Variants in CELSR2 observed in about 807,000 individuals in gnomAD.
CELSR2 encodes EGF-like protein 2.
In CELSR2, 81 loss-of-function variants were observed where a neutral mutation model predicts 251.6. That is an observed-to-expected ratio of 0.32 (90% CI 0.27 to 0.39). CELSR2 has a LOEUF of 0.39. Among genes scored for constraint, CELSR2 ranks in the 10% least tolerant of loss-of-function variants. CELSR2 has a pLI of 1.00. For synonymous variants in CELSR2, 1,721 were observed against 1,670.5 expected (o/e 1.03, Z -0.74); for missense variants, 3,365 against 3,947.7 (o/e 0.85, Z 3.96).
intron 2 of CELSR2, among the ~76,000 whole-genome samples, chr1:109,260,205 G>A (rs1570782246): frequency 2.0e-5 from 3 of 151,148 alleles, no homozygotes; most frequent in African/African-American, 7.3e-5. Context: ...TAGAGCAGGC[G>A]AACAACAGTT....
chr1:109,251,455 T>C lies in CELSR2; in HGVS notation c.1376T>C (p.Val459Ala), dbSNP rs370246986. The change falls in exon 1 of 34, where the codon GTG (valine) becomes GCG (alanine). Residue 459 changes from valine to alanine, a missense_variant. By Grantham distance (64) the Val-to-Ala change is moderately conservative. This residue lies in a region of CELSR2 where 704 missense variants were observed against 784.1 expected (regional missense o/e 0.90). Coordinates refer to ENST00000271332, the MANE Select transcript of CELSR2 (RefSeq NM_001408.3). The surrounding 1 kb of genome is among the most constrained non-coding windows in gnomAD (Gnocchi z 4.9). ...GCCCAGACTGGAGCTCTGGATGTGGTGAGCCCTCTTGACTATGAGACGACC... is the reference window on the plus strand; with the variant it reads ...GCCCAGACTGGAGCTCTGGATGTGGCGAGCCCTCTTGACTATGAGACGACC... ...LDAQTGALDV[V>A]SPLDYETTKE... The C allele has an allele frequency of 6.2e-7, 1 of 1,613,702 alleles. No individual in the cohort carries two copies. Among genetic ancestry groups the C allele is most frequent in the African/African-American group, 1.3e-5 (1 of 74,896 alleles).
chr1:109,261,258 C>G lies in CELSR2; in HGVS notation c.4175C>G (p.Ala1392Gly). Reference protein sequence around the residue: ...GLRQRFHFTLALSFATKERDG... With the variant: ...GLRQRFHFTLGLSFATKERDG... ...CGCCAGCGTTTCCACTTCACCCTGG[C>G]CCTCTCGTGAGTGGCTGGGCACTGG... The change falls in exon 3 of 34, where the codon GCC (alanine) becomes GGC (glycine). Residue 1392 changes from alanine to glycine, a missense_variant. Around this residue, in one of 5 missense-constraint regions of CELSR2, gnomAD observed 2,093 missense variants for 2,382.8 expected, o/e 0.88. Transcript: ENST00000271332. This position sits in a 1 kb window ranked among gnomAD's most constrained non-coding sequence, Gnocchi z 4.8. 6.2e-7 allele frequency: 1 copy of G among 1,612,836 alleles called. No individual in the cohort carries two copies.
Position 109,261,556 on chromosome 1 carries a change from C to T in CELSR2, c.4225C>T (p.Arg1409Cys), listed in dbSNP as rs774854697. 6 of 1,614,046 alleles carry T rather than the reference C, an allele frequency of 3.7e-6. No homozygotes were observed. Among genetic ancestry groups the T allele is most frequent in the East Asian group, 2.2e-5 (1 of 44,898 alleles). ...ERDGLLLYNG[R>C]FNEKHDFVAL... ...CGACGGGTTGCTGTTGTACAATGGG[C>T]GTTTCAATGAGAAGCATGACTTTGT... is the stretch of plus-strand genomic sequence containing the variant. Residue 1409 changes from arginine to cysteine, a missense_variant, in exon 4 of 34, where the codon CGT becomes TGT. By Grantham distance (180) the Arg-to-Cys change is radical. This residue lies in a region of CELSR2 where 2,093 missense variants were observed against 2,382.8 expected (regional missense o/e 0.88). Coordinates refer to ENST00000271332, the MANE Select transcript of CELSR2 (RefSeq NM_001408.3). The surrounding 1 kb of genome is among the most constrained non-coding windows in gnomAD (Gnocchi z 4.8).
At position 109,252,010 on chromosome 1, in the gene CELSR2, C is replaced by T. The variant is rs2101232332; in HGVS notation, c.1931C>T (p.Thr644Ile). 6.2e-7 allele frequency: 1 copy of T among 1,614,096 alleles called. No individual in the cohort carries two copies. Among genetic ancestry groups the T allele is most frequent in the Non-Finnish European group, 8.5e-7 (1 of 1,180,026 alleles). ...GACCGTGATGCTCATAGTGTCATCA[C>T]CTACCAGATCACCAGTGGCAATACT... ...AVDRDAHSVI[T>I]YQITSGNTRN... The change falls in exon 1 of 34, where the codon ACC becomes ATC. Residue 644 changes from threonine (T) to isoleucine (I), a missense_variant. Physicochemically the swap from Thr to Ile is moderately conservative, Grantham distance 89. Around this residue, in one of 5 missense-constraint regions of CELSR2, gnomAD observed 60 missense variants for 104.8 expected, o/e 0.57. Transcript: ENST00000271332. This position sits in a 1 kb window ranked among gnomAD's most constrained non-coding sequence, Gnocchi z 4.8.
rs756104863 is a variant in CELSR2 at position 109,264,937 on chromosome 1, G to A, written c.5534G>A (p.Arg1845His). ...TGTGAGCACCAGTCTGTGTGTACCC[G>A]CAAGCCCAGTGCCCCCCATGGCTAT... ...NPCEHQSVCT[R>H]KPSAPHGYTC... Residue 1845 changes from arginine to histidine, a missense_variant, in exon 12 of 34, where the codon CGC becomes CAC. Physicochemically the swap from Arg to His is conservative, Grantham distance 29 (BLOSUM62 0). Coordinates refer to ENST00000271332, the MANE Select transcript of CELSR2 (RefSeq NM_001408.3). The A allele has an allele frequency of 2.9e-5, 47 of 1,614,048 alleles. No individual in the cohort carries two copies. The Middle Eastern group carries it at 6.6e-4, about 23-fold the overall frequency.
chr1:109,262,172 T>C (rs983979207), intron 5 of CELSR2, 115 bp from the exon 6 acceptor site: 1 of 1,391,444 alleles, frequency 7.2e-7, no homozygotes, highest in African/African-American at 1.4e-5. Flanking sequence ...TATATGCATG[T>C]GTGTACGTGT....
At position 109,252,022 on chromosome 1, in the gene CELSR2, C is replaced by A. The variant is rs746129843; in HGVS notation, c.1943C>A (p.Thr648Asn). The A allele has an allele frequency of 6.8e-6, 11 of 1,614,018 alleles. No individual in the cohort carries two copies. The highest frequency in any genetic ancestry group is 9.3e-6 in the Non-Finnish European group (11 of 1,180,032). ...CATAGTGTCATCACCTACCAGATCA[C>A]CAGTGGCAATACTCGAAACCGCTTC... ...DAHSVITYQI[T>N]SGNTRNRFSI... The change falls in exon 1 of 34, where the codon ACC (threonine) becomes AAC (asparagine). Residue 648 changes from threonine (T) to asparagine (N), a missense_variant. This residue lies in a region of CELSR2 where 60 missense variants were observed against 104.8 expected (regional missense o/e 0.57). Transcript: ENST00000271332. This position sits in a 1 kb window ranked among gnomAD's most constrained non-coding sequence, Gnocchi z 4.8.
In CELSR2 at chr1:109,251,048, T is replaced by C. The variant is rs952303398; in HGVS notation, c.969T>C (p.Asn323=). 1.4e-5 allele frequency: 22 copies of C among 1,613,352 alleles called. 1 individual carries two copies. In the East Asian group the frequency reaches 4.7e-4, roughly 34 times the overall value. ...ATDGDAPPNA[N]ILYRLLEGSG... Reference sequence around the variant, plus strand: ...ATGGTGATGCCCCTCCCAATGCCAATATTCTGTACCGCCTGCTGGAGGGGT... The same window carrying C: ...ATGGTGATGCCCCTCCCAATGCCAACATTCTGTACCGCCTGCTGGAGGGGT... Residue 323 remains asparagine (N), a synonymous_variant, in exon 1 of 34, where the codon AAT becomes AAC. Transcript: ENST00000271332. This position sits in a 1 kb window ranked among gnomAD's most constrained non-coding sequence, Gnocchi z 4.9.
In CELSR2 at chr1:109,272,723, A is replaced by G. The variant is rs1346287417; in HGVS notation, c.8138A>G (p.Gln2713Arg). ...GSLFLEGQDQQHDPDTDSDSD... is the reference protein window; with the variant it reads ...GSLFLEGQDQRHDPDTDSDSD... ...CTGTTCCTGGAAGGTCAAGACCAGC[A>G]GCATGGTGAGGACAGAACGCTCTGG... Residue 2713 changes from glutamine (Q) to arginine (R), a missense_variant, in exon 30 of 34, where the codon CAG (glutamine) becomes CGG (arginine). Around this residue, in one of 5 missense-constraint regions of CELSR2, gnomAD observed 2,093 missense variants for 2,382.8 expected, o/e 0.88. Transcript: ENST00000271332. 6.2e-7 allele frequency: 1 copy of G among 1,613,830 alleles called. No homozygotes were observed. Among genetic ancestry groups the G allele is most frequent in the Non-Finnish European group, 8.5e-7 (1 of 1,179,924 alleles).
At position 109,261,167 on chromosome 1, in the gene CELSR2, A is replaced by G; in HGVS notation, c.4084A>G (p.Lys1362Glu). The G allele has an allele frequency of 6.2e-7, 1 of 1,614,138 alleles. No homozygotes were observed. Among genetic ancestry groups the G allele is most frequent in the Non-Finnish European group, 8.5e-7 (1 of 1,180,024 alleles). ...CGATTGCCCATCTGGAGACTTCGAG[A>G]AGCCCTACTGCCAGGTGACCACGCG... is the stretch of plus-strand genomic sequence containing the variant. Reference protein sequence around the residue: ...KCDCPSGDFEKPYCQVTTRSF... With the variant: ...KCDCPSGDFEEPYCQVTTRSF... The change falls in exon 3 of 34, where the codon AAG becomes GAG. Residue 1362 changes from lysine to glutamate, a missense_variant. By Grantham distance (56) the Lys-to-Glu change is moderately conservative (BLOSUM62 1). Coordinates refer to ENST00000271332, the MANE Select transcript of CELSR2 (RefSeq NM_001408.3). This position sits in a 1 kb window ranked among gnomAD's most constrained non-coding sequence, Gnocchi z 4.8.
Position 109,252,637 on chromosome 1 carries a change from C to T in CELSR2, c.2558C>T (p.Thr853Ile), listed in dbSNP as rs901619773. The T allele has an allele frequency of 1.2e-6, 2 of 1,613,760 alleles. No individual in the cohort carries two copies. Among genetic ancestry groups the T allele is most frequent in the Non-Finnish European group, 1.7e-6 (2 of 1,180,056 alleles). The change falls in exon 1 of 34, where the codon ACC becomes ATC. Residue 853 changes from threonine to isoleucine, a missense_variant. Thr to Ile is a moderately conservative substitution (Grantham distance 89, BLOSUM62 -1). Coordinates refer to ENST00000271332, the MANE Select transcript of CELSR2 (RefSeq NM_001408.3). The surrounding 1 kb of genome is among the most constrained non-coding windows in gnomAD (Gnocchi z 4.8). Reference sequence around the variant, plus strand: ...GGACTTAATGGCAGGGTCTTCTACACCTTCCAAGGAGGCGACGATGGAGAC... The same window carrying T: ...GGACTTAATGGCAGGGTCTTCTACATCTTCCAAGGAGGCGACGATGGAGAC... ...DSGLNGRVFY[T>I]FQGGDDGDGD...
chr1:109,261,083 C>T lies in CELSR2; in HGVS notation c.4000C>T (p.Pro1334Ser), dbSNP rs1395900004. 5 of 1,613,922 alleles carry T rather than the reference C, an allele frequency of 3.1e-6. No homozygotes were observed. Among genetic ancestry groups the T allele is most frequent in the Non-Finnish European group, 4.2e-6 (5 of 1,179,982 alleles). ...EVSARSGRCT[P>S]GVCKNGGTCV... ...GAGTGCTCGCTCAGGCCGTTGCACC[C>T]CGGGTGTCTGCAAGAATGGGGGCAC... Residue 1334 changes from proline to serine, a missense_variant, in exon 3 of 34, where the codon CCG becomes TCG. Around this residue, in one of 5 missense-constraint regions of CELSR2, gnomAD observed 2,093 missense variants for 2,382.8 expected, o/e 0.88. Transcript: ENST00000271332. The surrounding 1 kb of genome is among the most constrained non-coding windows in gnomAD (Gnocchi z 4.8).
At chr1:109,272,536 T>C in intron 29 of CELSR2, 104 bp from the exon 30 acceptor site, 2 of 1,488,258 alleles carry the variant, frequency 1.3e-6, no homozygotes, top group African/African-American at 1.4e-5. Flanking sequence ...GATTAGAAGC[T>C]GTAAGGGACC....
At chr1:109,273,695 C>T (rs941851870) in intron 33 of CELSR2, 25 bp downstream of exon 33, 31 of 504,560 alleles carry the variant, frequency 6.1e-5, no homozygotes, top group African/African-American at 1.0e-4. Flanking sequence ...GTGGGCGGGA[C>T]GGGGTGCAGC....
rs1299726387 is a variant in CELSR2, at chr1:109,249,842, G to T, written c.-238G>T. Among the ~76,000 whole-genome samples the T allele has an allele frequency of 6.7e-6, 1 of 150,042 alleles. No homozygotes were observed. Among genetic ancestry groups the T allele is most frequent in the East Asian group, 1.9e-4 (1 of 5,150 alleles). On this transcript the variant is annotated 5_prime_UTR_variant, in exon 1 of 34. Coordinates refer to ENST00000271332, the MANE Select transcript of CELSR2 (RefSeq NM_001408.3). The stretch of plus-strand genomic sequence containing the variant: ...GCAGGTGGAGGCGCGGCGGCAGCCC[G>T]CGGTGCTCAGGGTGACCCGGGAGCG...
At chr1:109,256,690 G>A (rs1247001357) in intron 1 of CELSR2, among the ~76,000 whole-genome samples, 4 of 152,104 alleles carry the variant, frequency 2.6e-5, no homozygotes. Flanking sequence ...CACCCAGGCT[G>A]GAGTACAATG....
intron 1 of CELSR2, among the ~76,000 whole-genome samples, chr1:109,254,599 G>T (rs548187448): frequency 1.3e-5 from 2 of 152,274 alleles, no homozygotes; most frequent in African/African-American, 4.8e-5. Flanking sequence ...ATCCCCTCTA[G>T]GCAGCCTTCA....
intron 1 of CELSR2, among the ~76,000 whole-genome samples, chr1:109,255,799 T>A (rs998978743): frequency 1.3e-5 from 2 of 150,752 alleles, no homozygotes; most frequent in Non-Finnish European, 2.9e-5. Context: ...CAGGGGAGGG[T>A]GATATAGAAA....
Position 109,271,518 on chromosome 1 carries a change from T to C in CELSR2, c.7803+6T>C, listed in dbSNP as rs767184045. ...CTACCTGCAATTGCATCCAGGTACC[T>C]GGCCCAGCCTGTGGAGAAGGGAGGC... On this transcript the variant is annotated splice_donor_region_variant and intron_variant, in intron 27 of 33. Coordinates refer to ENST00000271332, the MANE Select transcript of CELSR2 (RefSeq NM_001408.3). 3.1e-6 allele frequency: 5 copies of C among 1,614,052 alleles called. No individual in the cohort carries two copies. In the South Asian group the frequency reaches 3.3e-5, roughly 11 times the overall value.
Sources: gnomAD v4.1 joint callset for allele counts (sites outside exome capture counted in the v4.1 genomes callset) on GRCh38, gnomAD v4.1.1 for gene constraint, gnomAD v4.1.1 regional missense constraint, Gnocchi (gnomAD v3.1) non-coding constraint, MANE v1.5 for transcripts, NCBI Gene and HGNC (gene_info 2026-07-23, HGNC 2026-07-21) for gene names.